Variants in PLCE1 observed in about 807,000 individuals in gnomAD.
PLCE1 encodes 1-phosphatidylinositol 4,5-bisphosphate phosphodiesterase epsilon-1.
PLCE1 carries 119 observed loss-of-function variants against 242.8 expected under a neutral mutation model. The ratio of observed to expected loss-of-function variants is 0.49; its 90% CI spans 0.42 to 0.57. PLCE1 has a LOEUF of 0.57. Among genes scored for constraint, PLCE1 ranks in the 20% least tolerant of loss-of-function variants. PLCE1 has a pLI of 0.00. For missense variants in PLCE1, 2,441 were observed against 2,788.8 expected, an observed-to-expected ratio of 0.88 and a Z score of 2.81; for synonymous variants, 945 against 1,017.4, an observed-to-expected ratio of 0.93 and a Z score of 1.35.
At chr10:94,093,940 T>C (rs113478062) in intron 2 of PLCE1, among the ~76,000 whole-genome samples, 2 of 128,720 alleles carry the variant, frequency 1.6e-5, no homozygotes, top group South Asian at 2.7e-4. Flanking sequence ...ATTTCTTTTT[T>C]TTTTTTTTTT....
At chr10:94,065,909 C>A (rs770026497) in intron 2 of PLCE1, among the ~76,000 whole-genome samples, 4 of 152,120 alleles carry the variant, frequency 2.6e-5, no homozygotes, top group Non-Finnish European at 5.9e-5. Context: ...TCTAGATAAC[C>A]ATTAAGGCAC....
chr10:94,304,441 G>C (rs2053136936), intron 24 of PLCE1, 41 bp from the exon 25 acceptor site: 1 of 1,584,754 alleles, frequency 6.3e-7, no homozygotes, highest in South Asian at 1.1e-5. Context: ...AAGCGACAAA[G>C]TAACAAGCTA....
intron 2 of PLCE1, among the ~76,000 whole-genome samples, chr10:94,081,482 A>C (rs1410396613): frequency 6.6e-6 from 1 of 152,202 alleles, no homozygotes; most frequent in Non-Finnish European, 1.5e-5. Flanking sequence ...CCTTTCATTC[A>C]TTTGGAATTT....
intron 2 of PLCE1, among the ~76,000 whole-genome samples, chr10:94,049,899 A>T (rs146127111): frequency 6.6e-6 from 1 of 152,094 alleles, no homozygotes; most frequent in Non-Finnish European, 1.5e-5. Context: ...CTTTTACCCA[A>T]CCTTATATCT....
At chr10:94,311,666 C>T (rs1043029168) in intron 27 of PLCE1, among the ~76,000 whole-genome samples, 1 of 152,120 alleles carries the variant, frequency 6.6e-6, no homozygotes, top group African/African-American at 2.4e-5. Flanking sequence ...ATTGCCTTGG[C>T]CCTGGTTCAT....
At position 94,306,339 on chromosome 10, in the gene PLCE1, C is replaced by T. The variant is rs1589512198; in HGVS notation, c.5623-88C>T. ...TGTCCATTCCAGTGTTCTTGGGATT[C>T]CTTTGCAGAGGGAAGCAGTGAGGTG... On this transcript the variant is annotated intron_variant, in intron 25 of 32. Transcript: ENST00000371380. This position sits in a 1 kb window ranked among gnomAD's most constrained non-coding sequence, Gnocchi z 5.7. 2.5e-6 allele frequency: 4 copies of T among 1,605,832 alleles called. No homozygotes were observed. Among genetic ancestry groups the T allele is most frequent in the East Asian group, 2.2e-5 (1 of 44,840 alleles).
intron 2 of PLCE1, among the ~76,000 whole-genome samples, chr10:94,118,557 C>T (rs2046206205): frequency 1.3e-5 from 2 of 152,116 alleles, no homozygotes; most frequent in East Asian, 1.9e-4. Context: ...GAATGGGTCT[C>T]ATAAGATCTG....
intron 5 of PLCE1, among the ~76,000 whole-genome samples, chr10:94,233,178 G>A (rs2050200933): frequency 6.6e-6 from 1 of 152,230 alleles, no homozygotes; most frequent in South Asian, 2.1e-4. Flanking sequence ...GTGGGTCTCA[G>A]CAGGAGTTTC....
chr10:94,154,610 G>A (rs903473263), intron 3 of PLCE1, among the ~76,000 whole-genome samples: 6 of 152,032 alleles, frequency 3.9e-5, no homozygotes, highest in African/African-American at 1.4e-4. Flanking sequence ...TTCAACAACA[G>A]AGAACCCAAC....
chr10:94,121,497 G>T (rs540540538), intron 2 of PLCE1, among the ~76,000 whole-genome samples: 1 of 152,162 alleles, frequency 6.6e-6, no homozygotes, highest in Admixed American at 6.5e-5. Flanking sequence ...TGGTCTTGGA[G>T]CTCTAAAGAT....
intron 26 of PLCE1, among the ~76,000 whole-genome samples, chr10:94,307,702 A>T (rs554950493): frequency 6.6e-6 from 1 of 152,108 alleles, no homozygotes; most frequent in African/African-American, 2.4e-5. Flanking sequence ...CCCTCTTCTC[A>T]TAAGGACACC....
chr10:94,243,732 A>G (rs1230305168), intron 7 of PLCE1, among the ~76,000 whole-genome samples: 1 of 152,204 alleles, frequency 6.6e-6, no homozygotes, highest in Admixed American at 6.5e-5. Context: ...GCCTCCCCCT[A>G]GAGAAAACTA....
At chr10:94,025,791 A>C (rs2061444589) in intron 1 of PLCE1, among the ~76,000 whole-genome samples, 2 of 152,180 alleles carry the variant, frequency 1.3e-5, no homozygotes, top group African/African-American at 4.8e-5. Flanking sequence ...CAATTCTTCA[A>C]ATAAATAAAG....
At chr10:94,074,751 A>G (rs140921330) in intron 2 of PLCE1, among the ~76,000 whole-genome samples, 28 of 152,328 alleles carry the variant, frequency 1.8e-4, no homozygotes, top group African/African-American at 6.7e-4. Flanking sequence ...GCTTAAATAT[A>G]TTTCCTTTTA....
chr10:94,218,702 T>C (rs558122656), intron 4 of PLCE1, among the ~76,000 whole-genome samples: 4 of 152,032 alleles, frequency 2.6e-5, no homozygotes, highest in Admixed American at 2.6e-4. Flanking sequence ...TTCACAGGCA[T>C]GCAGTAACTG....
At chr10:94,129,122 C>T (rs1365922090) in intron 2 of PLCE1, among the ~76,000 whole-genome samples, 2 of 152,092 alleles carry the variant, frequency 1.3e-5, no homozygotes, top group East Asian at 1.9e-4. Context: ...CCTGAAGGCC[C>T]GAGGTGGAAG....
chr10:94,259,239 C>T, intron 13 of PLCE1, 89 bp downstream of exon 13: 2 of 1,317,448 alleles, frequency 1.5e-6, no homozygotes, highest in Non-Finnish European at 2.2e-6. Context: ...CTGAGCCTGT[C>T]CCACATAGTG....
At chr10:94,315,769 C>CAAA (rs10572287) in intron 28 of PLCE1, among the ~76,000 whole-genome samples, 1 of 122,868 alleles carries the variant, frequency 8.1e-6, no homozygotes, top group South Asian at 2.8e-4. Flanking sequence ...GACTCTGTCT[C>CAAA]AAAAAAAAAA....
At chr10:94,235,182 C>A (rs1320901835) in intron 6 of PLCE1, among the ~76,000 whole-genome samples, 2 of 151,964 alleles carry the variant, frequency 1.3e-5, no homozygotes, top group African/African-American at 4.8e-5. Context: ...GGAGCAAAGG[C>A]ATCACCTGAT....
Sources: gnomAD v4.1 joint callset for allele counts (sites outside exome capture counted in the v4.1 genomes callset) on GRCh38, gnomAD v4.1.1 for gene constraint, Gnocchi (gnomAD v3.1) non-coding constraint, MANE v1.5 for transcripts, NCBI Gene and HGNC (gene_info 2026-07-23, HGNC 2026-07-21) for gene names.